The following SPAG16 variants were observed in gnomAD, a reference collection of about 807,000 sequenced individuals.
The protein encoded by SPAG16 is sperm-associated antigen 16 protein.
A neutral mutation model predicts 80.4 loss-of-function variants in SPAG16; 86 were observed. The observed-to-expected ratio is 1.07, with a 90% CI of 0.90 to 1.28. The LOEUF is 1.28. SPAG16 is among the 50% of genes most tolerant of loss of function. The probability of loss-of-function intolerance (pLI) is 0.00; values close to 1 mark genes in which losing one functional copy is unlikely to be tolerated. For synonymous variants in SPAG16, 294 were observed against 265.9 expected (o/e 1.11, Z -1.03); for missense variants, 870 against 765.3 (o/e 1.14, Z -1.61).
intron 15 of SPAG16, among the ~76,000 whole-genome samples, chr2:214,248,803 A>G (rs1173302371): frequency 6.6e-6 from 1 of 152,170 alleles, no homozygotes; most frequent in Admixed American, 6.6e-5. Flanking sequence ...CAAGTGACAA[A>G]GAAAGCGATA....
At chr2:214,261,107 C>CAAAAAAAAAAAAAAAAAA (rs558534808) in intron 15 of SPAG16, among the ~76,000 whole-genome samples, 8 of 54,470 alleles carry the variant, frequency 1.5e-4, no homozygotes, top group Admixed American at 2.7e-4. Flanking sequence ...GACTCAGTCT[C>CAAAAAAAAAAAAAAAAAA]AAAAAAAAAA....
At chr2:214,052,746 A>G (rs1489304177) in intron 13 of SPAG16, among the ~76,000 whole-genome samples, 1 of 152,102 alleles carries the variant, frequency 6.6e-6, no homozygotes, top group Non-Finnish European at 1.5e-5. Flanking sequence ...TGTGAGACTG[A>G]TTTTTCTTCT....
At chr2:213,376,942 T>A (rs2066909857) in intron 9 of SPAG16, among the ~76,000 whole-genome samples, 1 of 152,194 alleles carries the variant, frequency 6.6e-6, no homozygotes, top group Non-Finnish European at 1.5e-5. Context: ...AGTCGCTCTC[T>A]TCTACTTCAT....
At chr2:214,245,470 T>G (rs1377931200) in intron 15 of SPAG16, among the ~76,000 whole-genome samples, 2 of 152,192 alleles carry the variant, frequency 1.3e-5, no homozygotes, top group East Asian at 1.9e-4. Context: ...AAAGAAAATA[T>G]AAGTCATTGA....
intron 15 of SPAG16, among the ~76,000 whole-genome samples, chr2:214,402,035 A>G (rs1012145019): frequency 6.6e-6 from 1 of 151,976 alleles, no homozygotes; most frequent in Non-Finnish European, 1.5e-5. Flanking sequence ...AGTACCTGAT[A>G]ACTGGTGGCT....
rs547642689 is a variant in SPAG16, at chr2:213,807,380, C to G, written c.1071-55105C>G. Among the ~76,000 whole-genome samples, 192 of 152,022 alleles carry G rather than the reference C, an allele frequency of 1.3e-3. 1 individual carries two copies. The highest frequency in any genetic ancestry group is 9.1e-3 in the South Asian group (44 of 4,810). On this transcript the variant is annotated intron_variant, in intron 10 of 15. Coordinates refer to ENST00000331683, the MANE Select transcript of SPAG16 (RefSeq NM_024532.5). ...ATTTCCCTACATAGTGCCATTCATT[C>G]TGTCACCTCCCAATGTTATCTCTAT... is the stretch of plus-strand genomic sequence containing the variant.
chr2:213,941,164 G>A (rs114025824), intron 12 of SPAG16, among the ~76,000 whole-genome samples: 1,615 of 152,150 alleles, frequency 0.011, 37 homozygotes, highest in African/African-American at 0.036. Flanking sequence ...TACCTCTGAT[G>A]TCCTTCCACT....
At chr2:213,741,748 T>C (rs912911964) in intron 10 of SPAG16, among the ~76,000 whole-genome samples, 1 of 152,126 alleles carries the variant, frequency 6.6e-6, no homozygotes, top group Non-Finnish European at 1.5e-5. Flanking sequence ...GCTTGATAGG[T>C]ATATTGTAAA....
At chr2:213,927,067 G>A (rs1330590697) in intron 11 of SPAG16, among the ~76,000 whole-genome samples, 1 of 152,198 alleles carries the variant, frequency 6.6e-6, no homozygotes, top group Non-Finnish European at 1.5e-5. Flanking sequence ...CCCCCTTCTT[G>A]CCTTGTAAAT....
intron 10 of SPAG16, among the ~76,000 whole-genome samples, chr2:213,561,600 A>T (rs1301503340): frequency 1.3e-5 from 2 of 152,138 alleles, no homozygotes; most frequent in Non-Finnish European, 2.9e-5. Context: ...CTCTAGCAAA[A>T]TTTTGCTCCC....
chr2:213,801,229 G>T (rs1461157085), intron 10 of SPAG16, among the ~76,000 whole-genome samples: 2 of 152,184 alleles, frequency 1.3e-5, no homozygotes, highest in African/African-American at 4.8e-5. Context: ...GTGTGTGTGT[G>T]CGTGCGCGCG....
At chr2:213,900,229 G>A (rs1046079678) in intron 11 of SPAG16, among the ~76,000 whole-genome samples, 1 of 152,094 alleles carries the variant, frequency 6.6e-6, no homozygotes, top group Admixed American at 6.6e-5. Flanking sequence ...AGAAGCAGAT[G>A]CATCACAGGG....
At chr2:213,336,579 C>A (rs2064370827) in intron 5 of SPAG16, among the ~76,000 whole-genome samples, 1 of 152,188 alleles carries the variant, frequency 6.6e-6, no homozygotes, top group Non-Finnish European at 1.5e-5. Context: ...GTGGTCTGGA[C>A]TAGGAGCAAT....
chr2:214,068,738 G>A (rs1270435701), intron 13 of SPAG16, among the ~76,000 whole-genome samples: 1 of 152,012 alleles, frequency 6.6e-6, no homozygotes, highest in Non-Finnish European at 1.5e-5. Flanking sequence ...TACATCCAAG[G>A]AGCCAGTAAA....
chr2:214,015,850 A>C (rs2047566822), intron 13 of SPAG16, among the ~76,000 whole-genome samples: 1 of 152,112 alleles, frequency 6.6e-6, no homozygotes. Context: ...GATTTTGATA[A>C]GGAAGTAAGA....
At chr2:213,583,083 A>G (rs920359126) in intron 10 of SPAG16, among the ~76,000 whole-genome samples, 17 of 152,182 alleles carry the variant, frequency 1.1e-4, no homozygotes, top group African/African-American at 4.1e-4. Context: ...TGCTTCAGGT[A>G]TGACTACTGT....
In SPAG16 at chr2:213,284,504, G is replaced by A. The variant is rs1268191074; in HGVS notation, c.21G>A (p.Met7Ile). ...CAGAGATGGCTGCTCAGCGAGGGAT[G>A]CCCAGCTCCGCCGTGAGGGTCCTGG... MAAQRG[M>I]PSSAVRVLEE... The change falls in exon 1 of 16, where the codon ATG becomes ATA. Residue 7 changes from methionine to isoleucine, a missense_variant. Physicochemically the swap from Met to Ile is conservative, Grantham distance 10. Transcript: ENST00000331683. The A allele has an allele frequency of 2.5e-6, 4 of 1,575,598 alleles. No individual in the cohort carries two copies. In the East Asian group the frequency reaches 9.3e-5, roughly 37 times the overall value.
intron 13 of SPAG16, among the ~76,000 whole-genome samples, chr2:214,074,799 A>T (rs2050985884): frequency 6.6e-6 from 1 of 152,238 alleles, no homozygotes; most frequent in Non-Finnish European, 1.5e-5. Context: ...AAACATCATT[A>T]GTCATCAAGG....
intron 10 of SPAG16, among the ~76,000 whole-genome samples, chr2:213,579,694 T>C (rs997880132): frequency 1.3e-5 from 2 of 152,156 alleles, no homozygotes; most frequent in African/African-American, 4.8e-5. Context: ...TCCCTTTACA[T>C]TGATTTGACT....
Sources: allele counts gnomAD v4.1 joint callset (sites outside exome capture counted in the v4.1 genomes callset), GRCh38; gene constraint gnomAD v4.1.1; transcripts MANE v1.5; gene names NCBI Gene and HGNC (gene_info 2026-07-23, HGNC 2026-07-21).